The following MORC1 variants were observed in gnomAD, a reference collection of about 807,000 sequenced individuals.
The protein encoded by MORC1 is MORC family CW-type zinc finger protein 1.
In MORC1, 59 loss-of-function variants were observed where a neutral mutation model predicts 134.9. That is an observed-to-expected ratio of 0.44 (90% CI 0.35 to 0.54). The LOEUF is 0.54. MORC1 is among the 20% of genes least tolerant of loss of function. The pLI is 0.00. For missense variants in MORC1, 947 were observed against 1,134.5 expected, an observed-to-expected ratio of 0.83 and a Z score of 2.37; for synonymous variants, 395 against 391.7, an observed-to-expected ratio of 1.01 and a Z score of -0.10.
At chr3:109,043,177 G>T in intron 14 of MORC1, among the ~76,000 whole-genome samples, 1 of 23,782 alleles carries the variant, frequency 4.2e-5, no homozygotes, top group Non-Finnish European at 1.2e-4. Context: ...TAAGCAAAAT[G>T]TGGCAAAATG....
chr3:109,050,514 C>T (rs1222563828), intron 14 of MORC1, among the ~76,000 whole-genome samples: 1 of 152,068 alleles, frequency 6.6e-6, no homozygotes, highest in Non-Finnish European at 1.5e-5. Context: ...TCATCACCCC[C>T]GTAAAGTCCC....
chr3:109,005,110 A>C lies in MORC1; in HGVS notation c.1973T>G (p.Val658Gly). 6.2e-7 allele frequency: 1 copy of C among 1,612,954 alleles called. No individual in the cohort carries two copies. Among genetic ancestry groups the C allele is most frequent in the Non-Finnish European group, 8.5e-7 (1 of 1,179,670 alleles). Residue 658 changes from valine to glycine, a missense_variant, in exon 19 of 28, where the codon GTA becomes GGA. Around this residue, in one of 3 missense-constraint regions of MORC1, gnomAD observed 722 missense variants for 817.0 expected, o/e 0.88. Coordinates refer to ENST00000232603, the MANE Select transcript of MORC1 (RefSeq NM_014429.4). Reference protein sequence around the residue: ...KMNSQQQRIPVALPENVKLAE... With the variant: ...KMNSQQQRIPGALPENVKLAE... ...TAGTTTGACATTTTCTGGCAGAGCT[A>C]CTGGAATTCTCTGCTGTTGAGAGTT... is the stretch of plus-strand genomic sequence containing the variant.
At chr3:109,088,265 A>C (rs1950654010) in intron 8 of MORC1, among the ~76,000 whole-genome samples, 1 of 152,132 alleles carries the variant, frequency 6.6e-6, no homozygotes, top group African/African-American at 2.4e-5. Flanking sequence ...CAGCAAAAGA[A>C]ACTATCAACA....
At position 109,054,851 on chromosome 3, in the gene MORC1, T is replaced by C. The variant is rs745356022; in HGVS notation, c.1207A>G (p.Ile403Val). 1.7e-5 allele frequency: 28 copies of C among 1,604,392 alleles called. 1 individual carries two copies. In the South Asian group the frequency reaches 3.0e-4, roughly 17 times the overall value. The change falls in exon 14 of 28, where the codon ATA becomes GTA. Residue 403 changes from isoleucine (I) to valine (V), a missense_variant. Physicochemically the swap from Ile to Val is conservative, Grantham distance 29. This residue lies in a region of MORC1 where 722 missense variants were observed against 817.0 expected (regional missense o/e 0.88). Coordinates refer to ENST00000232603, the MANE Select transcript of MORC1 (RefSeq NM_014429.4). Reference protein sequence around the residue: ...LGAGVVGIVNIPLEVMEPSHN... With the variant: ...LGAGVVGIVNVPLEVMEPSHN... ...GATGGTTCCATGACCTCCAAGGGTA[T>C]ATTAACAATTCCAACCACGCCTGCG... is the stretch of plus-strand genomic sequence containing the variant.
intron 23 of MORC1, among the ~76,000 whole-genome samples, chr3:108,981,665 G>A (rs985809591): frequency 1.3e-5 from 2 of 152,070 alleles, no homozygotes; most frequent in Non-Finnish European, 2.9e-5. Context: ...GTTGTACTGA[G>A]GATATACAAA....
chr3:109,057,311 G>A (rs1949983538), intron 13 of MORC1, 32 bp downstream of exon 13: 1 of 1,593,902 alleles, frequency 6.3e-7, no homozygotes, highest in Non-Finnish European at 8.5e-7. Context: ...CCCTTTCTCT[G>A]CTTATATCTC....
chr3:109,076,683 T>C (rs1407052683), intron 8 of MORC1, among the ~76,000 whole-genome samples: 1 of 152,114 alleles, frequency 6.6e-6, no homozygotes, highest in Non-Finnish European at 1.5e-5. Flanking sequence ...TGCAGGGACA[T>C]GGATGAAGCT....
At chr3:109,042,065 A>T (rs563639324) in intron 14 of MORC1, among the ~76,000 whole-genome samples, 1 of 152,208 alleles carries the variant, frequency 6.6e-6, no homozygotes, top group Non-Finnish European at 1.5e-5. Flanking sequence ...AGACTATTCA[A>T]ATAAACTGCA....
intron 14 of MORC1, among the ~76,000 whole-genome samples, chr3:109,045,971 G>C (rs1170447350): frequency 1.3e-5 from 2 of 152,062 alleles, no homozygotes; most frequent in South Asian, 2.1e-4. Context: ...TCCGTATGCT[G>C]CAAGAAACTT....
chr3:108,981,463 T>C (rs887746585), intron 23 of MORC1, among the ~76,000 whole-genome samples: 10 of 152,174 alleles, frequency 6.6e-5, no homozygotes, highest in Non-Finnish European at 1.5e-5. Flanking sequence ...GAATGCTCAT[T>C]AGTTATAACC....
At chr3:109,065,731 C>T (rs1334627667) in intron 9 of MORC1, among the ~76,000 whole-genome samples, 1 of 152,170 alleles carries the variant, frequency 6.6e-6, no homozygotes, top group African/African-American at 2.4e-5. Flanking sequence ...TTTATTGACA[C>T]ATTATTCACA....
intron 14 of MORC1, among the ~76,000 whole-genome samples, chr3:109,054,280 CAA>C (rs11292790): frequency 3.5e-4 from 40 of 112,688 alleles, no homozygotes; most frequent in African/African-American, 4.3e-4. Flanking sequence ...GACTCCATCT[CAA>C]AAAAAAAAAA....
intron 24 of MORC1, among the ~76,000 whole-genome samples, chr3:108,973,917 G>A (rs1179359464): frequency 6.6e-6 from 1 of 152,064 alleles, no homozygotes; most frequent in African/African-American, 2.4e-5. Context: ...TCTTTATAAA[G>A]TACTAGAATT....
At chr3:109,085,118 A>ATCTG (rs757094861) in intron 8 of MORC1, among the ~76,000 whole-genome samples, 6 of 151,722 alleles carry the variant, frequency 4.0e-5, no homozygotes, top group Non-Finnish European at 5.9e-5. Flanking sequence ...GTCTGTGTCT[A>ATCTG]TCTGTCTGTC....
intron 17 of MORC1, among the ~76,000 whole-genome samples, chr3:109,025,589 G>A (rs1465362983): frequency 6.6e-6 from 1 of 151,478 alleles, no homozygotes; most frequent in Non-Finnish European, 1.5e-5. Flanking sequence ...CACCATGTTG[G>A]CCAGGCTGGT....
chr3:109,086,973 A>C (rs1324714595), intron 8 of MORC1, among the ~76,000 whole-genome samples: 1 of 152,136 alleles, frequency 6.6e-6, no homozygotes, highest in Non-Finnish European at 1.5e-5. Context: ...CAAGTAGCAA[A>C]ATAATTTCTA....
rs1559960895 is a variant in MORC1, at chr3:109,113,994, T to TACATCAATCA, written c.119+389_119+390insTGATTGATGT. On this transcript the variant is annotated intron_variant, in intron 2 of 27. Coordinates refer to ENST00000232603, the MANE Select transcript of MORC1 (RefSeq NM_014429.4). ...AAAGTGCTTATGTATGTCTGATATA[T>TACATCAATCA]AGTAAGAGATCAATAAGTTAGCTAT... 3.3e-5 allele frequency among the ~76,000 whole-genome samples: 5 copies of TACATCAATCA among 152,348 alleles called. No individual in the cohort carries two copies. In the East Asian group the frequency reaches 9.6e-4, roughly 29 times the overall value.
At chr3:109,052,365 T>C (rs1172562187) in intron 14 of MORC1, among the ~76,000 whole-genome samples, 2 of 152,192 alleles carry the variant, frequency 1.3e-5, no homozygotes, top group Non-Finnish European at 2.9e-5. Flanking sequence ...TGATTGTGAA[T>C]ATAAATCACC....
intron 8 of MORC1, among the ~76,000 whole-genome samples, chr3:109,073,918 A>T (rs188778044): frequency 2.3e-4 from 35 of 152,296 alleles, no homozygotes; most frequent in Admixed American, 7.2e-4. Context: ...TAATTTTTTT[A>T]AAAAAGTTAT....
Sources: gnomAD v4.1 joint callset for allele counts (sites outside exome capture counted in the v4.1 genomes callset) on GRCh38, gnomAD v4.1.1 for gene constraint, gnomAD v4.1.1 regional missense constraint, MANE v1.5 for transcripts, NCBI Gene and HGNC (gene_info 2026-07-23, HGNC 2026-07-21) for gene names.